The following CAMTA1 variants were observed in gnomAD, a reference collection of about 807,000 sequenced individuals.
CAMTA1 encodes the protein calmodulin-binding transcription activator 1.
CAMTA1 carries 27 observed loss-of-function variants against 170.9 expected under a neutral mutation model. The observed-to-expected ratio is 0.16, with a 90% CI of 0.12 to 0.22. The LOEUF (loss-of-function observed/expected upper bound fraction) is 0.22. CAMTA1 is among the 10% of genes least tolerant of loss of function. The pLI is 1.00. For missense variants in CAMTA1, 1,619 were observed against 2,217.2 expected (o/e 0.73, Z 5.42); for synonymous variants, 833 against 891.5 (o/e 0.93, Z 1.17).
intron 5 of CAMTA1, among the ~76,000 whole-genome samples, chr1:7,345,576 C>A (rs2084163996): frequency 6.6e-6 from 1 of 152,178 alleles, no homozygotes; most frequent in Admixed American, 6.5e-5. Context: ...TGTTTGTAAA[C>A]CCCGGGGCTC....
chr1:7,171,412 G>A (rs936375052), intron 4 of CAMTA1, among the ~76,000 whole-genome samples: 3 of 152,094 alleles, frequency 2.0e-5, no homozygotes, highest in African/African-American at 7.2e-5. Flanking sequence ...TCTCTTTCCA[G>A]CCCTGCTCAA....
chr1:6,834,644 A>AT (rs889142312), intron 3 of CAMTA1: 343 of 152,984 alleles, frequency 2.2e-3, no homozygotes, highest in South Asian at 7.2e-3. Context: ...GACCTTTTTA[A>AT]TTTTTTTTTT....
chr1:7,038,833 A>G (rs1704014783), intron 3 of CAMTA1, among the ~76,000 whole-genome samples: 1 of 152,230 alleles, frequency 6.6e-6, no homozygotes, highest in Non-Finnish European at 1.5e-5. Context: ...TGAGGTCAGG[A>G]GTTCGAGACC....
chr1:6,860,180 A>G lies in CAMTA1; in HGVS notation c.234+34970A>G, dbSNP rs756113565. On this transcript the variant is annotated intron_variant, in intron 3 of 22. Coordinates refer to ENST00000303635, the MANE Select transcript of CAMTA1 (RefSeq NM_015215.4). Reference sequence around the variant, plus strand: ...CTTAACTCATTATGTCCTCATGCCAATCCTATGAGTCATGCTCCCAAACTC... The same window carrying G: ...CTTAACTCATTATGTCCTCATGCCAGTCCTATGAGTCATGCTCCCAAACTC... Among the ~76,000 whole-genome samples, 5 of 152,124 alleles carry G rather than the reference A, an allele frequency of 3.3e-5. No individual in the cohort carries two copies. The East Asian group carries it at 5.8e-4, about 18-fold the overall frequency.
At chr1:7,197,678 A>T (rs9651155) in intron 4 of CAMTA1, among the ~76,000 whole-genome samples, 43,298 of 138,872 alleles carry the variant, frequency 0.31, 9,667 homozygotes, top group African/African-American at 0.59. Flanking sequence ...ACACACACAC[A>T]ATCTACTTGC....
At chr1:6,904,611 A>C (rs1677908239) in intron 3 of CAMTA1, among the ~76,000 whole-genome samples, 1 of 148,706 alleles carries the variant, frequency 6.7e-6, no homozygotes, top group Non-Finnish European at 1.5e-5. Context: ...GCTGGAATGC[A>C]GTAGCATGAA....
chr1:7,642,401 C>T lies in CAMTA1; in HGVS notation c.664+1848C>T, dbSNP rs750763003. The stretch of plus-strand genomic sequence containing the variant: ...GCTGCAGTGTCCTGGCTCTGGGAGC[C>T]GGGGCTGCTGAGTGGCACTTTCCCA... On this transcript the variant is annotated intron_variant, in intron 7 of 22. Transcript: ENST00000303635. This position sits in a 1 kb window ranked among gnomAD's most constrained non-coding sequence, Gnocchi z 6.3. Among the ~76,000 whole-genome samples, 7 of 152,170 alleles carry T rather than the reference C, an allele frequency of 4.6e-5. No homozygotes were observed. Among genetic ancestry groups the T allele is most frequent in the Non-Finnish European group, 8.8e-5 (6 of 68,018 alleles).
chr1:6,912,159 G>T (rs1207153130), intron 3 of CAMTA1, among the ~76,000 whole-genome samples: 3 of 152,188 alleles, frequency 2.0e-5, no homozygotes, highest in Non-Finnish European at 4.4e-5. Context: ...TACTTTTGCA[G>T]CTCAATTGCT....
At chr1:7,241,980 A>C (rs1411051697) in intron 4 of CAMTA1, among the ~76,000 whole-genome samples, 1 of 143,538 alleles carries the variant, frequency 7.0e-6, no homozygotes, top group African/African-American at 2.7e-5. Flanking sequence ...TTACTCTTTT[A>C]AAGAAACCAT....
chr1:7,396,902 T>G (rs1013754688), intron 5 of CAMTA1, among the ~76,000 whole-genome samples: 74 of 152,326 alleles, frequency 4.9e-4, no homozygotes, highest in African/African-American at 1.8e-3. Context: ...TTTGCTAGTA[T>G]TTTGTTGAGG....
At chr1:7,729,191 A>G (rs2096714268) in intron 11 of CAMTA1, among the ~76,000 whole-genome samples, 1 of 148,640 alleles carries the variant, frequency 6.7e-6, no homozygotes, top group South Asian at 2.1e-4. Flanking sequence ...ATCTCGGCTC[A>G]CTGTAACCTC....
intron 5 of CAMTA1, among the ~76,000 whole-genome samples, chr1:7,337,465 C>G (rs1343280583): frequency 2.6e-5 from 4 of 152,086 alleles, no homozygotes; most frequent in Non-Finnish European, 4.4e-5. Context: ...GTGGTTGACC[C>G]TCCGTAATGT....
chr1:7,096,669 G>A (rs920202066), intron 4 of CAMTA1, among the ~76,000 whole-genome samples: 4 of 152,182 alleles, frequency 2.6e-5, no homozygotes, highest in African/African-American at 9.7e-5. Flanking sequence ...GTTTCCGACT[G>A]TAATTCACAT....
Position 7,768,236 on chromosome 1 carries a change from AG to A in CAMTA1, c.*1746del, listed in dbSNP as rs1297943409. ...AATTGCACAAAAAAAAAAATGAAAA[AG>A]ATGCAGACTGGTCTTTTAGAGACGG... On this transcript the variant is annotated 3_prime_UTR_variant, in exon 23 of 23. Transcript: ENST00000303635. The A allele has an allele frequency of 6.6e-6, 1 of 152,490 alleles. No homozygotes were observed. The allele number at this position is 152,490 out of a possible 1,614,324, so 9.4% of individuals were successfully genotyped here.
chr1:7,547,677 A>G lies in CAMTA1; in HGVS notation c.510+79776A>G, dbSNP rs2094716265. ...CCAACACAAATTCATAAACTTTCCT[A>G]AAACATTATGAGACTTTTTTGCAAT... On this transcript the variant is annotated intron_variant, in intron 6 of 22. Transcript: ENST00000303635. This position sits in a 1 kb window ranked among gnomAD's most constrained non-coding sequence, Gnocchi z 5.7. 6.8e-6 allele frequency among the ~76,000 whole-genome samples: 1 copy of G among 148,076 alleles called. No homozygotes were observed. Among genetic ancestry groups the G allele is most frequent in the Admixed American group, 6.7e-5 (1 of 14,854 alleles).
At chr1:6,898,602 G>A (rs1439330521) in intron 3 of CAMTA1, among the ~76,000 whole-genome samples, 1 of 152,198 alleles carries the variant, frequency 6.6e-6, no homozygotes. Context: ...TCTCCAGGCA[G>A]ATAAGTTATA....
intron 7 of CAMTA1, among the ~76,000 whole-genome samples, chr1:7,650,450 A>T (rs970689099): frequency 4.6e-5 from 7 of 152,130 alleles, no homozygotes; most frequent in African/African-American, 1.7e-4. Flanking sequence ...CCTCATTGAC[A>T]ATGTCTGTCC....
At chr1:7,069,709 A>G (rs1029783246) in intron 3 of CAMTA1, among the ~76,000 whole-genome samples, 2 of 151,792 alleles carry the variant, frequency 1.3e-5, no homozygotes, top group Non-Finnish European at 2.9e-5. Flanking sequence ...GAGTGGGAAC[A>G]GGGGACTGGC....
intron 5 of CAMTA1, among the ~76,000 whole-genome samples, chr1:7,452,449 G>A (rs968516501): frequency 2.6e-5 from 4 of 152,194 alleles, no homozygotes; most frequent in African/African-American, 7.2e-5. Flanking sequence ...GTGTTGTACC[G>A]TCATCACCAC....
Sources: allele counts gnomAD v4.1 joint callset (sites outside exome capture counted in the v4.1 genomes callset), GRCh38; gene constraint gnomAD v4.1.1; non-coding constraint Gnocchi (gnomAD v3.1); transcripts MANE v1.5; gene names NCBI Gene and HGNC (gene_info 2026-07-23, HGNC 2026-07-21).